CELF2: variants seen among roughly 807,000 people sequenced by gnomAD.
CELF2 encodes CUG triplet repeat RNA-binding protein 2.
A neutral mutation model predicts 62.6 loss-of-function variants in CELF2; 8 were observed. The observed-to-expected ratio is 0.13, with a 90% confidence interval of 0.07 to 0.23. The LOEUF (loss-of-function observed/expected upper bound fraction) is 0.23. CELF2 is among the 10% of genes least tolerant of loss of function. The pLI, the probability that CELF2 is intolerant of heterozygous loss-of-function variation, is 1.00. For missense variants in CELF2, 333 were observed against 671.0 expected (o/e 0.50, Z 5.56); for synonymous variants, 258 against 250.0 (o/e 1.03, Z -0.30).
the CELF2 span, among the ~76,000 whole-genome samples, chr10:10,534,520 G>A: frequency 6.6e-6 from 1 of 152,218 alleles, no homozygotes; most frequent in African/African-American, 2.4e-5. Context: ...CTTCCTCTGA[G>A]CCAGAGGGAG....
At chr10:10,514,163 T>C in the CELF2 span, among the ~76,000 whole-genome samples, 1 of 152,230 alleles carries the variant, frequency 6.6e-6, no homozygotes, top group Non-Finnish European at 1.5e-5. Context: ...AGGAAATATA[T>C]GCAAATATGA....
chr10:10,825,760 G>C (rs2057341687), intron 1 of CELF2, among the ~76,000 whole-genome samples: 1 of 152,142 alleles, frequency 6.6e-6, no homozygotes, highest in South Asian at 2.1e-4. Context: ...CTGCCTAGAG[G>C]ACTCTGAGTA....
chr10:10,826,210 T>G (rs149960253), intron 1 of CELF2, among the ~76,000 whole-genome samples: 2 of 152,306 alleles, frequency 1.3e-5, no homozygotes, highest in East Asian at 3.9e-4. Flanking sequence ...GGATGCCCAT[T>G]TCTCTTGGTA....
Position 11,328,652 on chromosome 10 carries a change from C to A in CELF2, c.1439-274C>A, listed in dbSNP as rs905626787. 6.6e-6 allele frequency among the ~76,000 whole-genome samples: 1 copy of A among 152,204 alleles called. No individual in the cohort carries two copies. The highest frequency in any genetic ancestry group is 2.4e-5 in the African/African-American group (1 of 41,454). ...TTCAGTAAGTGGAACTGAATTCAGC[C>A]AAACAATTGAGTCTGAGGTTTCAGT... On this transcript the variant is annotated intron_variant, in intron 12 of 12. Coordinates refer to ENST00000633077, the MANE Select transcript of CELF2 (RefSeq NM_001326342.2). This position sits in a 1 kb window ranked among gnomAD's most constrained non-coding sequence, Gnocchi z 6.4.
the CELF2 span, among the ~76,000 whole-genome samples, chr10:10,713,762 C>T: frequency 2.6e-5 from 4 of 152,152 alleles, no homozygotes; most frequent in African/African-American, 4.8e-5. Flanking sequence ...AGGCCGGGCA[C>T]GGTGGCTCAT....
At chr10:11,248,627 A>C (rs796789820) in intron 3 of CELF2, among the ~76,000 whole-genome samples, 17 of 152,360 alleles carry the variant, frequency 1.1e-4, no homozygotes, top group African/African-American at 3.6e-4. Flanking sequence ...TGCATGATTT[A>C]ATTTTATAAT....
Position 11,244,658 on chromosome 10 carries a change from CAAA to C in CELF2, c.355-4484_355-4482del, listed in dbSNP as rs35750059. ...TAGGTGACAGAGCAAGACTCCGTCT[CAAA>C]AAAAAAAAAACAGCATAAAAACAAC... On this transcript the variant is annotated intron_variant, in intron 3 of 12. Transcript: ENST00000633077. The surrounding 1 kb of genome is among the most constrained non-coding windows in gnomAD (Gnocchi z 4.2). Among the ~76,000 whole-genome samples, 1 of 142,402 alleles carries C rather than the reference CAAA, an allele frequency of 7.0e-6. No individual in the cohort carries two copies. Among genetic ancestry groups the C allele is most frequent in the Non-Finnish European group, 1.5e-5 (1 of 65,352 alleles). 93.4% of individuals were successfully genotyped at this position (142,402 alleles called of 152,430 possible). A position where few individuals can be genotyped will look rare whatever the true frequency, so the allele number is the denominator to read the frequency against.
chr10:10,731,919 C>T, the CELF2 span, among the ~76,000 whole-genome samples: 2 of 152,110 alleles, frequency 1.3e-5, no homozygotes, highest in East Asian at 1.9e-4. Flanking sequence ...GCCCCGCATG[C>T]CCCTTTCACA....
chr10:10,696,245 T>A, the CELF2 span, among the ~76,000 whole-genome samples: 16 of 152,028 alleles, frequency 1.1e-4, no homozygotes, highest in Non-Finnish European at 1.6e-4. Flanking sequence ...GCTGGAGGTC[T>A]GTTGGAGTAC....
the CELF2 span, among the ~76,000 whole-genome samples, chr10:10,632,345 G>A: frequency 2.6e-5 from 4 of 152,098 alleles, no homozygotes; most frequent in African/African-American, 9.7e-5. Flanking sequence ...TGATTCCTTT[G>A]ACGTTCACAA....
chr10:10,886,178 C>T (rs550014687), intron 1 of CELF2, among the ~76,000 whole-genome samples: 1 of 152,048 alleles, frequency 6.6e-6, no homozygotes, highest in South Asian at 2.1e-4. Context: ...TTCTTCCTTC[C>T]TCTCTTTTTG....
At chr10:11,054,416 G>A (rs1229572589) in intron 1 of CELF2, among the ~76,000 whole-genome samples, 1 of 151,582 alleles carries the variant, frequency 6.6e-6, no homozygotes, top group Non-Finnish European at 1.5e-5. Flanking sequence ...ATTTTGGCAA[G>A]GATATTTTTA....
the CELF2 span, among the ~76,000 whole-genome samples, chr10:10,522,333 T>C: frequency 6.6e-6 from 1 of 152,224 alleles, no homozygotes; most frequent in Non-Finnish European, 1.5e-5. Context: ...ACAGACAAAC[T>C]AGATGTCTCT....
At chr10:10,554,195 GA>G in the CELF2 span, among the ~76,000 whole-genome samples, 1 of 152,116 alleles carries the variant, frequency 6.6e-6, no homozygotes, top group Non-Finnish European at 1.5e-5. Context: ...GGCAACAAAG[GA>G]GAGGGAATTC....
At chr10:10,558,665 T>C in the CELF2 span, among the ~76,000 whole-genome samples, 19,321 of 152,100 alleles carry the variant, frequency 0.13, 1,424 homozygotes, top group Non-Finnish European at 0.17. Flanking sequence ...CATCTGGTCC[T>C]GGACTCTTTT....
Position 11,309,752 on chromosome 10 carries a change from A to G in CELF2, c.977-4387A>G, listed in dbSNP as rs1223194784. Reference sequence around the variant, plus strand: ...TCCCTGCCCTCTCTGCTAAGCTTTCAGCTGGTCTACTTTGCCATCATGGAG... The same window carrying G: ...TCCCTGCCCTCTCTGCTAAGCTTTCGGCTGGTCTACTTTGCCATCATGGAG... On this transcript the variant is annotated intron_variant, in intron 9 of 12. Coordinates refer to ENST00000633077, the MANE Select transcript of CELF2 (RefSeq NM_001326342.2). This position sits in a 1 kb window ranked among gnomAD's most constrained non-coding sequence, Gnocchi z 5.6. Among the ~76,000 whole-genome samples, 1 of 152,152 alleles carries G rather than the reference A, an allele frequency of 6.6e-6. No individual in the cohort carries two copies. Among genetic ancestry groups the G allele is most frequent in the Non-Finnish European group, 1.5e-5 (1 of 68,026 alleles).
chr10:10,927,347 A>AAAAAAAAAAAAC (rs1491374984), intron 2 of CELF2: 3 of 31,732 alleles, frequency 9.5e-5, no homozygotes, highest in Non-Finnish European at 2.7e-4. Context: ...TAGTGACATT[A>AAAAAAAAAAAAC]AAAAAAAAAA....
Position 11,231,670 on chromosome 10 carries a change from A to T in CELF2, c.354+14163A>T, listed in dbSNP as rs7074679. On this transcript the variant is annotated intron_variant, in intron 3 of 12. Coordinates refer to ENST00000633077, the MANE Select transcript of CELF2 (RefSeq NM_001326342.2). ...AGAAAAAAAAAAATCCTGTTTACTT[A>T]GTTTGTATATGGTTGCTTTCTTTTT... Among the ~76,000 whole-genome samples, 1,317 of 149,994 alleles carry T rather than the reference A, an allele frequency of 8.8e-3. 22 individuals carry two copies. The highest frequency in any genetic ancestry group is 0.03 in the African/African-American group (1,230 of 40,866).
chr10:10,943,424 C>T (rs1205115932), intron 2 of CELF2, among the ~76,000 whole-genome samples: 1 of 152,126 alleles, frequency 6.6e-6, no homozygotes, highest in Non-Finnish European at 1.5e-5. Context: ...GGAGCAGAAA[C>T]TCATGTGCAT....
Sources: gnomAD v4.1 joint callset for allele counts (sites outside exome capture counted in the v4.1 genomes callset) on GRCh38, gnomAD v4.1.1 for gene constraint, Gnocchi (gnomAD v3.1) non-coding constraint, MANE v1.5 for transcripts, NCBI Gene and HGNC (gene_info 2026-07-23, HGNC 2026-07-21) for gene names.